The following NBEAL1 variants were observed in gnomAD, a reference collection of about 807,000 sequenced individuals.
NBEAL1 encodes neurobeachin-like protein 1.
A neutral mutation model predicts 351.3 loss-of-function variants in NBEAL1; 273 were observed. The observed-to-expected ratio is 0.78, with a 90% CI of 0.70 to 0.86. NBEAL1 has a LOEUF of 0.86. Among genes scored for constraint, NBEAL1 ranks in the 40% least tolerant of loss-of-function variants. NBEAL1 has a pLI of 0.00. For synonymous variants in NBEAL1, 1,050 were observed against 1,086.4 expected (o/e 0.97, Z 0.66); for missense variants, 2,961 against 3,201.3 (o/e 0.92, Z 1.81).
At chr2:203,023,481 A>T (rs1054862532) in intron 2 of NBEAL1, among the ~76,000 whole-genome samples, 1 of 152,252 alleles carries the variant, frequency 6.6e-6, no homozygotes. Context: ...TTAACTTTTT[A>T]AATTCTTTCC....
intron 36 of NBEAL1, among the ~76,000 whole-genome samples, chr2:203,162,928 C>T (rs1308942260): frequency 1.3e-5 from 2 of 152,128 alleles, no homozygotes; most frequent in East Asian, 1.9e-4. Context: ...CCGAGGTAGG[C>T]GGATCACCTG....
In NBEAL1 at chr2:203,057,389, C is replaced by A. The variant is rs1454478797; in HGVS notation, c.451C>A (p.His151Asn). Reference sequence around the variant, plus strand: ...GACATGTATTGAAGAATTTGTGATCCACGCATTGGCATTTTGTGAAAGCTT... The same window carrying A: ...GACATGTATTGAAGAATTTGTGATCAACGCATTGGCATTTTGTGAAAGCTT... The part of the protein sequence containing the change: ...DQTCIEEFVI[H>N]ALAFCESLYD... The change falls in exon 6 of 56, where the codon CAC becomes AAC. Residue 151 changes from histidine to asparagine, a missense_variant. Coordinates refer to ENST00000683969, the MANE Select transcript of NBEAL1 (RefSeq NM_001378026.1). 6.4e-7 allele frequency: 1 copy of A among 1,552,058 alleles called. No homozygotes were observed.
intron 3 of NBEAL1, among the ~76,000 whole-genome samples, chr2:203,047,107 C>T (rs1217216692): frequency 6.6e-6 from 1 of 152,094 alleles, no homozygotes; most frequent in African/African-American, 2.4e-5. Flanking sequence ...CGTGGTGGCA[C>T]ATGCCTGTAA....
intron 47 of NBEAL1, 51 bp downstream of exon 47, chr2:203,193,962 A>G (rs754598898): frequency 9.7e-6 from 10 of 1,026,286 alleles, no homozygotes; most frequent in Middle Eastern, 2.1e-4. Flanking sequence ...AATTCTGTAC[A>G]TTTTAAAGTT....
At chr2:203,192,202 G>A (rs2065109927) in intron 46 of NBEAL1, among the ~76,000 whole-genome samples, 1 of 152,122 alleles carries the variant, frequency 6.6e-6, no homozygotes, top group African/African-American at 2.4e-5. Flanking sequence ...GTCAGAAGGC[G>A]AAAGTAACAG....
At chr2:203,154,676 C>T (rs2106363368) in intron 35 of NBEAL1, among the ~76,000 whole-genome samples, 1 of 152,150 alleles carries the variant, frequency 6.6e-6, no homozygotes, top group Non-Finnish European at 1.5e-5. Context: ...AACACACCCA[C>T]TTGTAAATTA....
At chr2:203,036,722 T>G (rs2061045755) in intron 2 of NBEAL1, among the ~76,000 whole-genome samples, 1 of 149,266 alleles carries the variant, frequency 6.7e-6, no homozygotes, top group Non-Finnish European at 1.5e-5. Context: ...TTTTTTTCCC[T>G]TATAGTTGCT....
intron 36 of NBEAL1, among the ~76,000 whole-genome samples, chr2:203,164,562 G>C (rs2106389660): frequency 1.3e-5 from 2 of 151,694 alleles, no homozygotes; most frequent in Middle Eastern, 3.4e-3. Context: ...ACTTTTTTAG[G>C]GTTACTCATG....
chr2:203,167,386 C>A, intron 38 of NBEAL1, 26 bp downstream of exon 38: 1 of 1,562,226 alleles, frequency 6.4e-7, no homozygotes, highest in Non-Finnish European at 8.7e-7. Context: ...TCAGGAAATC[C>A]CAAAATGCTA....
chr2:203,033,052 G>A (rs978573738), intron 2 of NBEAL1, among the ~76,000 whole-genome samples: 3 of 151,794 alleles, frequency 2.0e-5, no homozygotes, highest in Admixed American at 6.6e-5. Flanking sequence ...CCAGGCTGGA[G>A]TGCAGTGGCG....
intron 47 of NBEAL1, among the ~76,000 whole-genome samples, chr2:203,195,594 G>A (rs2065219082): frequency 6.6e-6 from 1 of 152,188 alleles, no homozygotes; most frequent in Non-Finnish European, 1.5e-5. Flanking sequence ...TGTAGTCATG[G>A]CTAAGATTTA....
chr2:203,114,355 T>C (rs910715425), intron 17 of NBEAL1, among the ~76,000 whole-genome samples: 3 of 152,240 alleles, frequency 2.0e-5, no homozygotes, highest in African/African-American at 7.2e-5. Context: ...GAAGAAATTA[T>C]GTAACTGCTT....
rs1413776915 is a variant in NBEAL1 at position 203,113,289 on chromosome 2, C to T, written c.2477C>T (p.Pro826Leu). ...SVIIFYEPLQ[P>L]PQVKALYLAG... ...ATCATCTTTTATGAACCACTACAACCTCCTCAGGTGAAGGCATTATATTTA... is the reference window on the plus strand; with the variant it reads ...ATCATCTTTTATGAACCACTACAACTTCCTCAGGTGAAGGCATTATATTTA... Residue 826 changes from proline to leucine, a missense_variant, in exon 17 of 56, where the codon CCT becomes CTT. Physicochemically the swap from Pro to Leu is moderately conservative, Grantham distance 98. Transcript: ENST00000683969. The T allele has an allele frequency of 2.1e-6, 3 of 1,445,340 alleles. No homozygotes were observed. The highest frequency in any genetic ancestry group is 2.7e-6 in the Non-Finnish European group (3 of 1,096,566). 89.5% of individuals were successfully genotyped at this position (1,445,340 alleles called of 1,614,324 possible). A position where few individuals can be genotyped will look rare whatever the true frequency, so the allele number is the denominator to read the frequency against.
chr2:203,193,214 C>T lies in NBEAL1; in HGVS notation c.6922-581C>T, dbSNP rs190257373. On this transcript the variant is annotated intron_variant, in intron 46 of 55. Coordinates refer to ENST00000683969, the MANE Select transcript of NBEAL1 (RefSeq NM_001378026.1). Reference sequence around the variant, plus strand: ...CTTGAACTTCTGACCTCAAGTGATCCGCCCACCTCAGCCTCCCGAAGTGCT... The same window carrying T: ...CTTGAACTTCTGACCTCAAGTGATCTGCCCACCTCAGCCTCCCGAAGTGCT... Among the ~76,000 whole-genome samples, 45 of 151,958 alleles carry T rather than the reference C, an allele frequency of 3.0e-4. 1 individual carries two copies. The highest frequency in any genetic ancestry group is 9.2e-4 in the Admixed American group (14 of 15,268).
chr2:203,135,942 TG>T lies in NBEAL1; in HGVS notation c.4081del (p.Glu1361ArgfsTer6). The T allele has an allele frequency of 6.2e-7, 1 of 1,614,208 alleles. No homozygotes were observed. Among genetic ancestry groups the T allele is most frequent in the Non-Finnish European group, 8.5e-7 (1 of 1,180,030 alleles). On this transcript the variant is annotated frameshift_variant, in exon 28 of 56. Coordinates refer to ENST00000683969, the MANE Select transcript of NBEAL1 (RefSeq NM_001378026.1). LOFTEE classifies it high-confidence loss of function. The stretch of plus-strand genomic sequence containing the variant: ...AATGTGTCTTCGGATCAGTGGAGTT[TG>T]GAGGATAGACACTCTTTAGACTCAA... Reference protein sequence around the residue: ...SANVSSDQWSLEDRHSLDSNT... With the variant: ...SANVSSDQWSXEDRHSLDSNT...
intron 55 of NBEAL1, among the ~76,000 whole-genome samples, chr2:203,214,308 C>T (rs1329621887): frequency 3.9e-5 from 6 of 152,158 alleles, no homozygotes; most frequent in Non-Finnish European, 8.8e-5. Context: ...AGAAATCTAA[C>T]AATATGGGAT....
chr2:203,188,527 A>C lies in NBEAL1; in HGVS notation c.6761A>C (p.Tyr2254Ser), dbSNP rs746683888. Residue 2254 changes from tyrosine to serine, a missense_variant, in exon 45 of 56, where the codon TAT becomes TCT. Transcript: ENST00000683969. The stretch of plus-strand genomic sequence containing the variant: ...GAATGGATAGATCTGATCTTTGGCT[A>C]TAAACAGAGGGGACCAGCTGCAGTA... ...LHEWIDLIFGYKQRGPAAVEA... is the reference protein window; with the variant it reads ...LHEWIDLIFGSKQRGPAAVEA... 11 of 1,609,914 alleles carry C rather than the reference A, an allele frequency of 6.8e-6. No homozygotes were observed. Among genetic ancestry groups the C allele is most frequent in the Non-Finnish European group, 9.3e-6 (11 of 1,178,322 alleles).
chr2:203,041,711 A>AT (rs35056108), intron 2 of NBEAL1, 54 bp from the exon 3 acceptor site: 18,956 of 1,045,348 alleles, frequency 0.018, 13 homozygotes, highest in Non-Finnish European at 0.022. Flanking sequence ...GTGTAGAAGC[A>AT]TTTTTTTTTT....
At chr2:203,177,884 T>G (rs1343370391) in intron 42 of NBEAL1, among the ~76,000 whole-genome samples, 1 of 151,900 alleles carries the variant, frequency 6.6e-6, no homozygotes, top group Non-Finnish European at 1.5e-5. Flanking sequence ...CTGGGCGTGG[T>G]CGTGGGTGCC....
Sources: allele counts gnomAD v4.1 joint callset (sites outside exome capture counted in the v4.1 genomes callset), GRCh38; gene constraint gnomAD v4.1.1; transcripts MANE v1.5; gene names NCBI Gene and HGNC (gene_info 2026-07-23, HGNC 2026-07-21).